The following ZFPM2 variants were observed in gnomAD, a reference collection of about 807,000 sequenced individuals.
ZFPM2 encodes zinc finger protein ZFPM2.
Under a neutral mutation model 98.6 loss-of-function variants are expected in ZFPM2, and 20 were observed. That is an observed-to-expected ratio of 0.20 (90% CI 0.14 to 0.29). The LOEUF is 0.29. Ranked by LOEUF, ZFPM2 falls within the 10% of genes least tolerant of loss-of-function variation. ZFPM2 has a pLI of 1.00. For synonymous variants in ZFPM2, 518 were observed against 502.7 expected (o/e 1.03, Z -0.41); for missense variants, 1,310 against 1,388.6 (o/e 0.94, Z 0.90).
chr8:105,354,806 T>G lies in ZFPM2; in HGVS notation c.40+35825T>G, dbSNP rs570587765. On this transcript the variant is annotated intron_variant, in intron 1 of 7. Coordinates refer to ENST00000407775, the MANE Select transcript of ZFPM2 (RefSeq NM_012082.4). ...TGTCTCTACTAAAAATACAAAAAAT[T>G]AGCTGGGCATGGTGGCACGCACCTG... Among the ~76,000 whole-genome samples, 3 of 152,148 alleles carry G rather than the reference T, an allele frequency of 2.0e-5. No homozygotes were observed. The South Asian group carries it at 6.2e-4, about 32-fold the overall frequency.
At chr8:105,374,498 C>A (rs1201641224) in intron 1 of ZFPM2, among the ~76,000 whole-genome samples, 1 of 151,882 alleles carries the variant, frequency 6.6e-6, no homozygotes, top group Non-Finnish European at 1.5e-5. Context: ...ACTTTCTCCC[C>A]CTTCAGCCTC....
chr8:105,717,201 T>G (rs1811545462), intron 5 of ZFPM2, among the ~76,000 whole-genome samples: 1 of 151,988 alleles, frequency 6.6e-6, no homozygotes, highest in Admixed American at 6.6e-5. Context: ...TTAACCAAAA[T>G]GGAACCACTG....
At chr8:105,422,699 T>C (rs1478921825) in intron 2 of ZFPM2, among the ~76,000 whole-genome samples, 4 of 152,080 alleles carry the variant, frequency 2.6e-5, no homozygotes, top group African/African-American at 9.7e-5. Context: ...ATCTTAAAAG[T>C]TCAGATCAAA....
At chr8:105,750,419 G>A (rs1013912311) in intron 5 of ZFPM2, among the ~76,000 whole-genome samples, 9 of 151,728 alleles carry the variant, frequency 5.9e-5, no homozygotes, top group South Asian at 4.2e-4. Flanking sequence ...GCTACTAAAG[G>A]GTTTTTAAAA....
At chr8:105,564,397 A>G (rs903034103) in intron 4 of ZFPM2, among the ~76,000 whole-genome samples, 3 of 152,190 alleles carry the variant, frequency 2.0e-5, no homozygotes, top group African/African-American at 7.2e-5. Flanking sequence ...TCACTAAAAT[A>G]TATTTTCAAA....
chr8:105,340,725 A>C (rs1812413433), intron 1 of ZFPM2, among the ~76,000 whole-genome samples: 2 of 151,924 alleles, frequency 1.3e-5, no homozygotes, highest in Admixed American at 6.6e-5. Context: ...TATGTACAGA[A>C]GTCAGTGGTG....
chr8:105,597,971 C>G (rs1225169189), intron 4 of ZFPM2, among the ~76,000 whole-genome samples: 2 of 151,264 alleles, frequency 1.3e-5, no homozygotes, highest in Non-Finnish European at 2.9e-5. Context: ...ATTGTTATTT[C>G]AGTTCTTTCC....
At chr8:105,519,312 T>C (rs1480855555) in intron 3 of ZFPM2, among the ~76,000 whole-genome samples, 2 of 152,132 alleles carry the variant, frequency 1.3e-5, no homozygotes, top group African/African-American at 4.8e-5. Context: ...TAATCAAATA[T>C]GGTACTGTAA....
chr8:105,393,321 C>CTCTCT (rs1563637726), intron 1 of ZFPM2, among the ~76,000 whole-genome samples: 1 of 121,054 alleles, frequency 8.3e-6, no homozygotes. Flanking sequence ...TTCTTCCTTC[C>CTCTCT]CTCTCTCTCT....
chr8:105,692,905 G>T (rs1810921629), intron 5 of ZFPM2, among the ~76,000 whole-genome samples: 1 of 152,184 alleles, frequency 6.6e-6, no homozygotes, highest in Admixed American at 6.5e-5. Flanking sequence ...TAGAAAGCTA[G>T]AAATTCTTTC....
At chr8:105,758,955 C>T (rs1812673298) in intron 5 of ZFPM2, among the ~76,000 whole-genome samples, 1 of 152,118 alleles carries the variant, frequency 6.6e-6, no homozygotes, top group African/African-American at 2.4e-5. Flanking sequence ...ATGACACTCC[C>T]TTCCAAAGAC....
chr8:105,581,398 G>A (rs565367100), intron 4 of ZFPM2, among the ~76,000 whole-genome samples: 31 of 152,262 alleles, frequency 2.0e-4, no homozygotes, highest in African/African-American at 7.2e-4. Flanking sequence ...GCCTTTCGCA[G>A]TATCATGAGG....
At chr8:105,632,605 T>A (rs997362037) in intron 4 of ZFPM2, among the ~76,000 whole-genome samples, 6 of 152,348 alleles carry the variant, frequency 3.9e-5, no homozygotes, top group Non-Finnish European at 7.3e-5. Flanking sequence ...TCTCCTCTAA[T>A]TCTATTTTGA....
chr8:105,381,714 G>A (rs1391596505), intron 1 of ZFPM2, among the ~76,000 whole-genome samples: 2 of 152,054 alleles, frequency 1.3e-5, no homozygotes, highest in African/African-American at 4.8e-5. Flanking sequence ...AAATGTTTTT[G>A]CATATATATA....
intron 4 of ZFPM2, among the ~76,000 whole-genome samples, chr8:105,620,463 G>A (rs1321189124): frequency 3.3e-5 from 5 of 152,178 alleles, no homozygotes; most frequent in Admixed American, 6.5e-5. Context: ...TTGTAAAAAT[G>A]TTCTCCCATT....
intron 1 of ZFPM2, among the ~76,000 whole-genome samples, chr8:105,386,207 G>A (rs1183286361): frequency 3.9e-5 from 6 of 152,146 alleles, no homozygotes; most frequent in East Asian, 1.9e-4. Context: ...GAGCCCAACC[G>A]AAAGTAGGGT....
chr8:105,334,639 T>C (rs1586298804), intron 1 of ZFPM2, among the ~76,000 whole-genome samples: 2 of 151,826 alleles, frequency 1.3e-5, no homozygotes, highest in Non-Finnish European at 3.0e-5. Context: ...GGCCCTGTTA[T>C]ACAAAAAGTT....
intron 2 of ZFPM2, among the ~76,000 whole-genome samples, chr8:105,421,388 G>T (rs1811790112): frequency 2.0e-5 from 3 of 152,088 alleles, no homozygotes; most frequent in Admixed American, 1.3e-4. Flanking sequence ...GAAAGTAGAA[G>T]GTCATAATGG....
chr8:105,380,959 G>C (rs12547651), intron 1 of ZFPM2, among the ~76,000 whole-genome samples: 29,797 of 78,792 alleles, frequency 0.38, 6,966 homozygotes, highest in Middle Eastern at 0.5. Context: ...TAAGTTCTGG[G>C]ATACACGTGG....
Sources: allele counts gnomAD v4.1 joint callset (sites outside exome capture counted in the v4.1 genomes callset), GRCh38; gene constraint gnomAD v4.1.1; transcripts MANE v1.5; gene names NCBI Gene and HGNC (gene_info 2026-07-23, HGNC 2026-07-21).